Variants in CCN4 observed in about 807,000 individuals in gnomAD.
The protein encoded by CCN4 is CCN family member 4.
In CCN4, 30 loss-of-function variants were observed where a neutral mutation model predicts 36.7. That is an observed-to-expected ratio of 0.82 (90% CI 0.61 to 1.11). The LOEUF (loss-of-function observed/expected upper bound fraction) is 1.11. Ranked by LOEUF, CCN4 falls within the 50% of genes least tolerant of loss-of-function variation. CCN4 has a pLI of 0.00. For missense variants in CCN4, 505 were observed against 504.9 expected, an observed-to-expected ratio of 1.00 and a Z score of 0.00; for synonymous variants, 191 against 195.4, an observed-to-expected ratio of 0.98 and a Z score of 0.19.
chr8:133,225,337 T>C (rs951155909), intron 3 of CCN4, 53 bp from the exon 4 acceptor site: 13 of 1,511,980 alleles, frequency 8.6e-6, no homozygotes, highest in Admixed American at 8.0e-5. Context: ...AAAGTGAGGG[T>C]TGGGGGCTGG....
At chr8:133,212,249 A>T (rs1431879425) in intron 1 of CCN4, among the ~76,000 whole-genome samples, 3 of 152,166 alleles carry the variant, frequency 2.0e-5, no homozygotes, top group Non-Finnish European at 2.9e-5. Flanking sequence ...TCACTCCCCA[A>T]GGGCTGGGGC....
Position 133,201,565 on chromosome 8 carries a change from G to A in CCN4, c.69+10352G>A, listed in dbSNP as rs1853587883. 2.6e-5 allele frequency among the ~76,000 whole-genome samples: 4 copies of A among 152,204 alleles called. 1 individual carries two copies. The South Asian group carries it at 8.3e-4, about 32-fold the overall frequency. On this transcript the variant is annotated intron_variant, in intron 1 of 4. Transcript: ENST00000250160. The stretch of plus-strand genomic sequence containing the variant: ...TTAAGAATAAAAAAGCATACAGCCA[G>A]GTGTGGTAGCTCATGCTTGTAATCC...
At chr8:133,204,455 C>A (rs1010831952) in intron 1 of CCN4, among the ~76,000 whole-genome samples, 2 of 152,194 alleles carry the variant, frequency 1.3e-5, no homozygotes, top group African/African-American at 2.4e-5. Flanking sequence ...GCCCAATGTT[C>A]TAAGGCAGTG....
chr8:133,210,421 G>GT (rs35327533), intron 1 of CCN4, among the ~76,000 whole-genome samples: 36,974 of 137,870 alleles, frequency 0.27, 5,457 homozygotes, highest in Non-Finnish European at 0.37. Context: ...GTGTGTGTGT[G>GT]TTTACTGATT....
At chr8:133,204,768 T>C (rs1305995485) in intron 1 of CCN4, among the ~76,000 whole-genome samples, 2 of 152,238 alleles carry the variant, frequency 1.3e-5, no homozygotes, top group African/African-American at 4.8e-5. Flanking sequence ...TTGGCCAGGC[T>C]GGTCTCGACC....
intron 4 of CCN4, among the ~76,000 whole-genome samples, chr8:133,226,258 CA>C (rs1254017532): frequency 2.6e-5 from 4 of 152,166 alleles, no homozygotes; most frequent in African/African-American, 9.7e-5. Flanking sequence ...CAAAGCAAAA[CA>C]AAAAATTCAA....
At chr8:133,222,509 T>C (rs976900197) in intron 3 of CCN4, among the ~76,000 whole-genome samples, 1 of 151,850 alleles carries the variant, frequency 6.6e-6, no homozygotes, top group Non-Finnish European at 1.5e-5. Context: ...TGAAGTCATC[T>C]GCTTGGAGCT....
chr8:133,212,474 C>T (rs7824539), intron 1 of CCN4, among the ~76,000 whole-genome samples: 20,500 of 151,974 alleles, frequency 0.13, 1,836 homozygotes, highest in East Asian at 0.49. Context: ...GATCCGAGCC[C>T]CGCGCAGCCA....
intron 2 of CCN4, among the ~76,000 whole-genome samples, chr8:133,214,158 A>G (rs1292379430): frequency 8.2e-6 from 1 of 121,886 alleles, no homozygotes; most frequent in Non-Finnish European, 1.5e-5. Context: ...TATAACTACT[A>G]TATATATATA....
At chr8:133,211,130 C>A (rs1854012205) in intron 1 of CCN4, among the ~76,000 whole-genome samples, 1 of 152,230 alleles carries the variant, frequency 6.6e-6, no homozygotes, top group African/African-American at 2.4e-5. Context: ...CATCCCTGGT[C>A]CTTCAAGGTG....
At chr8:133,222,478 G>A (rs1394251516) in intron 3 of CCN4, among the ~76,000 whole-genome samples, 2 of 151,876 alleles carry the variant, frequency 1.3e-5, no homozygotes, top group African/African-American at 2.4e-5. Flanking sequence ...TGGGGAGGAA[G>A]GAGACGAAAT....
chr8:133,213,283 C>T, intron 2 of CCN4, 140 bp downstream of exon 2: 1 of 1,084,346 alleles, frequency 9.2e-7, no homozygotes, highest in Non-Finnish European at 1.3e-6. Flanking sequence ...TGATCAGAGG[C>T]CAGAGGCTGG....
At chr8:133,198,575 G>A (rs906860434) in intron 1 of CCN4, among the ~76,000 whole-genome samples, 5 of 152,230 alleles carry the variant, frequency 3.3e-5, no homozygotes, top group East Asian at 3.9e-4. Flanking sequence ...CTCTGTGCAC[G>A]TGGCCAAGCT....
chr8:133,205,545 C>G (rs1164941511), intron 1 of CCN4, among the ~76,000 whole-genome samples: 1 of 152,160 alleles, frequency 6.6e-6, no homozygotes, highest in Non-Finnish European at 1.5e-5. Context: ...CCCAGGCACC[C>G]CAGCTCAGGT....
chr8:133,225,163 T>A (rs1287602881), intron 3 of CCN4, among the ~76,000 whole-genome samples: 1 of 152,188 alleles, frequency 6.6e-6, no homozygotes, highest in Non-Finnish European at 1.5e-5. Context: ...CCTCCCATGC[T>A]TCCACACTGC....
chr8:133,220,452 C>T, intron 2 of CCN4, 129 bp from the exon 3 acceptor site: 1 of 1,375,784 alleles, frequency 7.3e-7, no homozygotes, highest in Non-Finnish European at 9.9e-7. Flanking sequence ...CTTTGTGCCT[C>T]TGTTCCTCCT....
At chr8:133,192,400 T>C (rs1853148152) in intron 1 of CCN4, among the ~76,000 whole-genome samples, 1 of 152,204 alleles carries the variant, frequency 6.6e-6, no homozygotes, top group Non-Finnish European at 1.5e-5. Flanking sequence ...TCCTCACGCC[T>C]GGCATGGTGC....
chr8:133,193,438 G>A (rs549119698), intron 1 of CCN4, among the ~76,000 whole-genome samples: 25 of 152,324 alleles, frequency 1.6e-4, no homozygotes, highest in Non-Finnish European at 2.6e-4. Context: ...AGGAACAGCC[G>A]AGTGTATTTG....
chr8:133,214,276 AT>A (rs1295869914), intron 2 of CCN4, among the ~76,000 whole-genome samples: 2 of 98 alleles, frequency 0.02, no homozygotes, highest in Non-Finnish European at 0.042. Context: ...TAGCTCCTCA[AT>A]AACCACCTGA....
Sources: allele counts gnomAD v4.1 joint callset (sites outside exome capture counted in the v4.1 genomes callset), GRCh38; gene constraint gnomAD v4.1.1; transcripts MANE v1.5; gene names NCBI Gene and HGNC (gene_info 2026-07-23, HGNC 2026-07-21).